Variants in COG5 observed in about 807,000 individuals in gnomAD.
The protein encoded by COG5 is component of oligomeric golgi complex 5, also known as conserved oligomeric Golgi complex subunit 5.
Under a neutral mutation model 110.4 loss-of-function variants are expected in COG5, and 86 were observed. That is an observed-to-expected ratio of 0.78 (90% CI 0.65 to 0.93). COG5 has a LOEUF of 0.93. COG5 is among the 40% of genes least tolerant of loss of function. The probability of loss-of-function intolerance (pLI) is 0.00; values close to 1 mark genes in which losing one functional copy is unlikely to be tolerated. For missense variants in COG5, 1,077 were observed against 987.0 expected, an observed-to-expected ratio of 1.09 and a Z score of -1.22; for synonymous variants, 360 against 334.6, an observed-to-expected ratio of 1.08 and a Z score of -0.83.
intron 6 of COG5, among the ~76,000 whole-genome samples, chr7:107,515,229 A>G (rs1799832778): frequency 6.6e-6 from 1 of 152,198 alleles, no homozygotes. Flanking sequence ...ATTAGATAAT[A>G]CTAAATAGCT....
chr7:107,516,168 T>C (rs77145747), intron 6 of COG5, among the ~76,000 whole-genome samples: 313 of 152,340 alleles, frequency 2.1e-3, no homozygotes, highest in Non-Finnish European at 3.4e-3. Context: ...AAAATAATTC[T>C]GCTTATTCTC....
chr7:107,538,174 AAAG>A (rs1801726443), intron 5 of COG5, among the ~76,000 whole-genome samples: 1 of 152,194 alleles, frequency 6.6e-6, no homozygotes, highest in African/African-American at 2.4e-5. Context: ...CATGTACAGT[AAAG>A]AAGCAGGCAA....
At chr7:107,388,953 G>T (rs1471067622) in intron 7 of COG5, among the ~76,000 whole-genome samples, 1 of 152,068 alleles carries the variant, frequency 6.6e-6, no homozygotes, top group Non-Finnish European at 1.5e-5. Context: ...AACTCAGAAG[G>T]CTGAAACGAA....
At chr7:107,321,437 T>C (rs11762802) in intron 11 of COG5, among the ~76,000 whole-genome samples, 7,818 of 152,172 alleles carry the variant, frequency 0.051, 291 homozygotes, top group Non-Finnish European at 0.079. Context: ...GAGTCAATTA[T>C]TGGAGGAACA....
chr7:107,462,911 C>T (rs1251623274), intron 6 of COG5, among the ~76,000 whole-genome samples: 1 of 152,206 alleles, frequency 6.6e-6, no homozygotes, highest in African/African-American at 2.4e-5. Context: ...AGTCTTCTAA[C>T]AGCAGACCTG....
chr7:107,218,760 G>A (rs965938882), intron 19 of COG5, among the ~76,000 whole-genome samples: 1 of 151,942 alleles, frequency 6.6e-6, no homozygotes, highest in Non-Finnish European at 1.5e-5. Flanking sequence ...AAAAAAACTA[G>A]AAGAAAGAAA....
At chr7:107,540,457 A>G (rs1400160778) in intron 5 of COG5, among the ~76,000 whole-genome samples, 2 of 151,640 alleles carry the variant, frequency 1.3e-5, no homozygotes, top group Non-Finnish European at 2.9e-5. Context: ...GTGTGCCTTT[A>G]GTCCCAGCTA....
rs183675140 is a variant in COG5, at chr7:107,421,540, C to T, written c.539-8908G>A. The stretch of plus-strand genomic sequence containing the variant: ...GCACAGTGGCTCATGCCTGTAATCC[C>T]AGCACTTTGGGAGGCCGAGGCAGGC... On this transcript the variant is annotated intron_variant, in intron 6 of 21. Transcript: ENST00000297135. Among the ~76,000 whole-genome samples the T allele has an allele frequency of 1.6e-3, 242 of 152,288 alleles. 1 individual carries two copies. The highest frequency in any genetic ancestry group is 2.4e-3 in the Non-Finnish European group (162 of 68,022).
At chr7:107,297,255 T>TAGATATATATA (rs1486227700) in intron 12 of COG5, among the ~76,000 whole-genome samples, 4 of 152,098 alleles carry the variant, frequency 2.6e-5, no homozygotes, top group African/African-American at 7.2e-5. Context: ...TTCTTATCAT[T>TAGATATATATA]CTCTAAGCAA....
At chr7:107,375,602 A>C (rs1231343779) in intron 7 of COG5, among the ~76,000 whole-genome samples, 1 of 152,022 alleles carries the variant, frequency 6.6e-6, no homozygotes, top group African/African-American at 2.4e-5. Flanking sequence ...TAAAAAACTG[A>C]ATACTTCTTA....
intron 5 of COG5, among the ~76,000 whole-genome samples, chr7:107,547,374 C>T (rs1479724647): frequency 2.6e-5 from 4 of 152,130 alleles, no homozygotes; most frequent in Non-Finnish European, 4.4e-5. Context: ...CGTACCTCAA[C>T]GCAATAGAGG....
chr7:107,473,961 T>TC, intron 6 of COG5: 1 of 566,708 alleles, frequency 1.8e-6, no homozygotes, highest in Non-Finnish European at 3.1e-6. Flanking sequence ...AAAGATTTTT[T>TC]TTCTTACAAA....
At chr7:107,447,878 G>A (rs1003524986) in intron 6 of COG5, among the ~76,000 whole-genome samples, 4 of 152,174 alleles carry the variant, frequency 2.6e-5, no homozygotes, top group South Asian at 2.1e-4. Context: ...ACTGACAGTC[G>A]GGCACAGTGG....
At chr7:107,221,673 G>A (rs2116312930) in intron 19 of COG5, among the ~76,000 whole-genome samples, 1 of 151,758 alleles carries the variant, frequency 6.6e-6, no homozygotes, top group South Asian at 2.1e-4. Flanking sequence ...GCTGAGGCAG[G>A]AGAATGGCGT....
At chr7:107,472,619 TGTTA>T (rs939757822) in intron 6 of COG5, 2 of 152,012 alleles carry the variant, frequency 1.3e-5, no homozygotes, top group African/African-American at 4.8e-5. Context: ...AGGATTTCAA[TGTTA>T]GCTAAGACCT....
At chr7:107,333,287 A>T (rs536522319) in intron 10 of COG5, among the ~76,000 whole-genome samples, 1 of 152,222 alleles carries the variant, frequency 6.6e-6, no homozygotes, top group South Asian at 2.1e-4. Context: ...CTTTGTTGAA[A>T]AATAGCCTTC....
chr7:107,386,294 CG>C (rs1790189537), intron 7 of COG5, among the ~76,000 whole-genome samples: 1 of 150,764 alleles, frequency 6.6e-6, no homozygotes, highest in Non-Finnish European at 1.5e-5. Context: ...GAGTCGGGGC[CG>C]GGGTTGCAAC....
chr7:107,547,385 C>A (rs746226779), intron 5 of COG5, among the ~76,000 whole-genome samples: 12 of 152,094 alleles, frequency 7.9e-5, no homozygotes, highest in Admixed American at 4.6e-4. Flanking sequence ...GCAATAGAGG[C>A]CATATACGAC....
At chr7:107,452,320 C>T (rs576502497) in intron 6 of COG5, among the ~76,000 whole-genome samples, 1 of 152,260 alleles carries the variant, frequency 6.6e-6, no homozygotes, top group South Asian at 2.1e-4. Flanking sequence ...AGTTGAAATT[C>T]CCTAATATGG....
Sources: allele counts gnomAD v4.1 joint callset (sites outside exome capture counted in the v4.1 genomes callset), GRCh38; gene constraint gnomAD v4.1.1; transcripts MANE v1.5; gene names NCBI Gene and HGNC (gene_info 2026-07-23, HGNC 2026-07-21).